Variants in NF1 observed in about 807,000 individuals in gnomAD.
NF1 encodes the protein neurofibromin 1.
NF1 carries 122 observed loss-of-function variants against 325.7 expected under a neutral mutation model. That is an observed-to-expected ratio of 0.37 (90% CI 0.32 to 0.44). The LOEUF is 0.44. NF1 is among the 20% of genes least tolerant of loss of function. The probability of loss-of-function intolerance (pLI) is 1.00; values close to 1 mark genes in which losing one functional copy is unlikely to be tolerated. For missense variants in NF1, 2,140 were observed against 3,415.4 expected (o/e 0.63, Z 9.31); for synonymous variants, 1,091 against 1,186.0 (o/e 0.92, Z 1.65).
rs545459150 is a variant in NF1 at position 31,223,705 on chromosome 17, A to G, written c.1845+138A>G. The G allele has an allele frequency of 4.1e-5, 33 of 800,574 alleles. No homozygotes were observed. In the Admixed American group the frequency reaches 6.9e-4, roughly 17 times the overall value. 49.6% of individuals were successfully genotyped at this position (800,574 alleles called of 1,614,324 possible). A position where few individuals can be genotyped will look rare whatever the true frequency, so the allele number is the denominator to read the frequency against. ...CCAATGTTCTCAAAAGGAAATATGT[A>G]TGCAGAGGACAATGACTGGCAAATC... On this transcript the variant is annotated intron_variant, in intron 16 of 57. Transcript: ENST00000358273.
intron 8 of NF1, among the ~76,000 whole-genome samples, chr17:31,196,867 C>G (rs1430115229): frequency 1.3e-5 from 2 of 152,132 alleles, no homozygotes; most frequent in Non-Finnish European, 2.9e-5. Flanking sequence ...TCTTTCTAGG[C>G]TCTCTATTCC....
chr17:31,108,943 G>A (rs1202754814), intron 1 of NF1, among the ~76,000 whole-genome samples: 6 of 151,986 alleles, frequency 3.9e-5, no homozygotes, highest in African/African-American at 1.5e-4. Flanking sequence ...AAAGATAGGA[G>A]GTAATATGCA....
intron 1 of NF1, among the ~76,000 whole-genome samples, chr17:31,130,633 G>T (rs1419339250): frequency 6.6e-6 from 1 of 152,176 alleles, no homozygotes; most frequent in Non-Finnish European, 1.5e-5. Flanking sequence ...TGGTGCAGGG[G>T]CTCAGTGCTG....
chr17:31,296,357 C>A (rs918529623), intron 36 of NF1: 1 of 1,613,420 alleles, frequency 6.2e-7, no homozygotes, highest in Non-Finnish European at 8.5e-7. Context: ...AACAGATACA[C>A]CCTTCTTTTA....
In NF1 at chr17:31,377,257, A is replaced by G. The variant is rs185410786; in HGVS notation, c.*3102A>G. 11 of 233,484 alleles carry G rather than the reference A, an allele frequency of 4.7e-5. No homozygotes were observed. In the Admixed American group the frequency reaches 6.2e-4, roughly 13 times the overall value. 14.5% of individuals were successfully genotyped at this position (233,484 alleles called of 1,614,324 possible). A position where few individuals can be genotyped will look rare whatever the true frequency, so the allele number is the denominator to read the frequency against. Reference sequence around the variant, plus strand: ...AAAGTATATTTACTATACTGTAAATATATGTGATGATATATTGTATTATTT... The same window carrying G: ...AAAGTATATTTACTATACTGTAAATGTATGTGATGATATATTGTATTATTT... On this transcript the variant is annotated 3_prime_UTR_variant, in exon 58 of 58. Transcript: ENST00000358273.
rs863224491 is a variant in NF1, at chr17:31,330,830, A to G, written c.5812+332A>G. 1 of 235,782 alleles carries G rather than the reference A, an allele frequency of 4.2e-6. No homozygotes were observed. The highest frequency in any genetic ancestry group is 5.1e-5 in the Admixed American group (1 of 19,574). The allele number at this position is 235,782 out of a possible 1,614,324, so 14.6% of individuals were successfully genotyped here. A position where few individuals can be genotyped will look rare whatever the true frequency, so the allele number is the denominator to read the frequency against. On this transcript the variant is annotated intron_variant, in intron 39 of 57. Coordinates refer to ENST00000358273, the MANE Select transcript of NF1 (RefSeq NM_001042492.3). The stretch of plus-strand genomic sequence containing the variant: ...TTCTCTTCATAGCAGAAAAGTCCAC[A>G]TAAGTATCCATGTTGCCTCCTTAAT...
intron 1 of NF1, among the ~76,000 whole-genome samples, chr17:31,128,834 A>C (rs973236488): frequency 2.6e-5 from 4 of 151,956 alleles, no homozygotes; most frequent in African/African-American, 9.7e-5. Flanking sequence ...AGGCAGGAGA[A>C]TGGCGTAAGT....
At chr17:31,203,377 T>C (rs2066564743) in intron 11 of NF1, among the ~76,000 whole-genome samples, 1 of 152,244 alleles carries the variant, frequency 6.6e-6, no homozygotes, top group South Asian at 2.1e-4. Context: ...ATGAAATAGC[T>C]TGAAAAGGAA....
intron 57 of NF1, among the ~76,000 whole-genome samples, chr17:31,369,796 G>C (rs907443862): frequency 2.0e-5 from 3 of 152,146 alleles, no homozygotes; most frequent in Non-Finnish European, 4.4e-5. Context: ...TTTCCTATGG[G>C]ATATTGAGGT....
At chr17:31,315,017 A>G (rs1008948836) in intron 36 of NF1, among the ~76,000 whole-genome samples, 1 of 152,148 alleles carries the variant, frequency 6.6e-6, no homozygotes, top group Non-Finnish European at 1.5e-5. Context: ...GAGATGAGGT[A>G]TCATTGTAGT....
chr17:31,207,821 G>A (rs1158746819), intron 12 of NF1, among the ~76,000 whole-genome samples: 1 of 152,136 alleles, frequency 6.6e-6, no homozygotes, highest in Non-Finnish European at 1.5e-5. Context: ...AGAGATCTGG[G>A]AAATCAGAAG....
chr17:31,238,705 G>T (rs2067244313), intron 29 of NF1, among the ~76,000 whole-genome samples: 1 of 150,894 alleles, frequency 6.6e-6, no homozygotes, highest in Non-Finnish European at 1.5e-5. Context: ...CTGCACTCCA[G>T]CCTGGGCGAC....
At chr17:31,314,755 T>TA (rs1158592177) in intron 36 of NF1, among the ~76,000 whole-genome samples, 1 of 152,236 alleles carries the variant, frequency 6.6e-6, no homozygotes, top group African/African-American at 2.4e-5. Flanking sequence ...TGAATAGTGT[T>TA]ACAACAAAAG....
intron 1 of NF1, among the ~76,000 whole-genome samples, chr17:31,110,549 C>T (rs1234359364): frequency 2.6e-5 from 4 of 151,982 alleles, no homozygotes; most frequent in African/African-American, 7.2e-5. Flanking sequence ...ATGGTTCTTT[C>T]GTTTATAATA....
At chr17:31,277,423 A>C (rs1411906924) in intron 36 of NF1, among the ~76,000 whole-genome samples, 1 of 152,186 alleles carries the variant, frequency 6.6e-6, no homozygotes, top group Non-Finnish European at 1.5e-5. Context: ...TTTAAGAGAA[A>C]TTAACTTTTG....
chr17:31,101,584 C>A (rs1912345468), intron 1 of NF1, among the ~76,000 whole-genome samples: 2 of 152,196 alleles, frequency 1.3e-5, no homozygotes, highest in East Asian at 3.8e-4. Context: ...TCACCTCAGT[C>A]TCTTCTGTGT....
Position 31,222,385 on chromosome 17 carries a change from A to G in NF1, c.1721+456A>G, listed in dbSNP as rs796189413. On this transcript the variant is annotated intron_variant, in intron 15 of 57. Transcript: ENST00000358273. Reference sequence around the variant, plus strand: ...ACACCTGCTTAGAAGAAAAAAATGTATGCAGAATTTTGTGGTCTGCTTCCT... The same window carrying G: ...ACACCTGCTTAGAAGAAAAAAATGTGTGCAGAATTTTGTGGTCTGCTTCCT... 17 of 1,035,386 alleles carry G rather than the reference A, an allele frequency of 1.6e-5. No individual in the cohort carries two copies. In the African/African-American group the frequency reaches 2.5e-4, roughly 15 times the overall value. 64.1% of individuals were successfully genotyped at this position (1,035,386 alleles called of 1,614,324 possible).
At chr17:31,221,756 C>G in intron 14 of NF1, 94 bp from the exon 15 acceptor site, 1 of 852,742 alleles carries the variant, frequency 1.2e-6, no homozygotes. Flanking sequence ...AGCTCAATTT[C>G]TTAGCATTTA....
intron 11 of NF1, among the ~76,000 whole-genome samples, chr17:31,201,903 AT>A (rs1567836313): frequency 2.6e-5 from 4 of 152,214 alleles, no homozygotes; most frequent in African/African-American, 9.6e-5. Flanking sequence ...GTAGTCTAGT[AT>A]AGCACATTGA....
Sources: gnomAD v4.1 joint callset for allele counts (sites outside exome capture counted in the v4.1 genomes callset) on GRCh38, gnomAD v4.1.1 for gene constraint, MANE v1.5 for transcripts, NCBI Gene and HGNC (gene_info 2026-07-23, HGNC 2026-07-21) for gene names.